Variants in ARL9 observed in about 807,000 individuals in gnomAD.
ARL9 encodes ADP-ribosylation factor-like protein 9.
In ARL9, 14 loss-of-function variants were observed where a neutral mutation model predicts 27.0. The ratio of observed to expected loss-of-function variants is 0.52; its 90% CI spans 0.34 to 0.81. The LOEUF is 0.81. Among genes scored for constraint, ARL9 ranks in the 30% least tolerant of loss-of-function variants. ARL9 has a pLI of 0.01. For missense variants in ARL9, 294 were observed against 290.0 expected (o/e 1.01, Z -0.10); for synonymous variants, 106 against 108.7 (o/e 0.98, Z 0.15).
chr4:56,515,681 T>C (rs1261693107), intron 2 of ARL9, among the ~76,000 whole-genome samples: 2 of 152,142 alleles, frequency 1.3e-5, no homozygotes, highest in Admixed American at 6.6e-5. Context: ...TAAAATTAAT[T>C]GTATTTCTGT....
At chr4:56,513,016 T>G (rs1310448844) in intron 2 of ARL9, among the ~76,000 whole-genome samples, 1 of 152,238 alleles carries the variant, frequency 6.6e-6, no homozygotes, top group Admixed American at 6.5e-5. Flanking sequence ...ATAGTACATA[T>G]TCAACAAAAA....
chr4:56,505,506 C>G, upstream of ARL9: 1 of 485,350 alleles, frequency 2.1e-6, no homozygotes, highest in South Asian at 1.5e-5. Flanking sequence ...CTGCCTGGCC[C>G]GAGGTAATCG....
Position 56,518,808 on chromosome 4 carries a change from T to C in ARL9, c.573T>C (p.Ile191=). The change falls in exon 3 of 4, where the codon ATT becomes ATC. Residue 191 remains isoleucine, a synonymous_variant. Transcript: ENST00000640821. ...PEAKKYLHQL[I]AANPVLPLVV... The stretch of plus-strand genomic sequence containing the variant: ...CCAAGAAATACCTTCATCAGCTAAT[T>C]GCAGCAAACCCAGTACTTCCTCTGG... The C allele has an allele frequency of 6.2e-7, 1 of 1,614,034 alleles. No individual in the cohort carries two copies. The highest frequency in any genetic ancestry group is 8.5e-7 in the Non-Finnish European group (1 of 1,179,888).
chr4:56,523,664 C>T, intron 3 of ARL9, 33 bp from the exon 4 acceptor site: 2 of 1,568,610 alleles, frequency 1.3e-6, no homozygotes, highest in East Asian at 2.3e-5. Flanking sequence ...AAATAACCAA[C>T]TTTGTCCTAT....
At chr4:56,512,730 C>T (rs751610472) in intron 2 of ARL9, among the ~76,000 whole-genome samples, 7 of 151,650 alleles carry the variant, frequency 4.6e-5, no homozygotes, top group African/African-American at 7.3e-5. Flanking sequence ...TTAGTAGAGA[C>T]GGGGTTTCAC....
intron 1 of ARL9, among the ~76,000 whole-genome samples, chr4:56,507,094 A>C (rs974655798): frequency 6.6e-6 from 1 of 151,212 alleles, no homozygotes; most frequent in African/African-American, 2.4e-5. Flanking sequence ...CCACGGATTA[A>C]CAGAGATTTG....
chr4:56,507,939 G>A (rs372802213), intron 1 of ARL9, among the ~76,000 whole-genome samples: 1 of 146,760 alleles, frequency 6.8e-6, no homozygotes, highest in East Asian at 2.1e-4. Flanking sequence ...TCGTGCCACT[G>A]CACTCCACAG....
Position 56,518,771 on chromosome 4 carries a change from G to T in ARL9, c.536G>T (p.Arg179Leu). ...IFVVDSADHS[R>L]LPEAKKYLHQ... Reference sequence around the variant, plus strand: ...GTGGTGGATTCAGCAGATCACAGCCGATTACCTGAAGCCAAGAAATACCTT... The same window carrying T: ...GTGGTGGATTCAGCAGATCACAGCCTATTACCTGAAGCCAAGAAATACCTT... Residue 179 changes from arginine (R) to leucine (L), a missense_variant, in exon 3 of 4, where the codon CGA (arginine) becomes CTA (leucine). Transcript: ENST00000640821. The T allele has an allele frequency of 6.2e-7, 1 of 1,613,944 alleles. No individual in the cohort carries two copies. Among genetic ancestry groups the T allele is most frequent in the South Asian group, 1.1e-5 (1 of 91,072 alleles).
chr4:56,520,492 A>G (rs1422260229), intron 3 of ARL9, among the ~76,000 whole-genome samples: 1 of 152,140 alleles, frequency 6.6e-6, no homozygotes, highest in East Asian at 1.9e-4. Context: ...GGTGATTTCC[A>G]TGGGTTGTGG....
intron 2 of ARL9, among the ~76,000 whole-genome samples, chr4:56,516,226 C>T (rs1459381700): frequency 1.3e-5 from 2 of 151,970 alleles, no homozygotes; most frequent in African/African-American, 2.4e-5. Context: ...CATCAATTTC[C>T]GATGGATAAA....
intron 3 of ARL9, 59 bp from the exon 4 acceptor site, chr4:56,523,638 A>C: frequency 7.2e-7 from 1 of 1,394,106 alleles, no homozygotes; most frequent in East Asian, 2.3e-5. Flanking sequence ...AAATGTGTTT[A>C]TCTGAAAGGA....
At chr4:56,523,649 T>C (rs1721994545) in intron 3 of ARL9, 48 bp from the exon 4 acceptor site, 4 of 1,496,014 alleles carry the variant, frequency 2.7e-6, no homozygotes, top group Non-Finnish European at 3.6e-6. Flanking sequence ...TCTGAAAGGA[T>C]TGCAAAATAA....
Position 56,523,878 on chromosome 4 carries a change from C to T in ARL9, c.*2C>T. 2 of 1,611,776 alleles carry T rather than the reference C, an allele frequency of 1.2e-6. No homozygotes were observed. Among genetic ancestry groups the T allele is most frequent in the Admixed American group, 1.7e-5 (1 of 59,848 alleles). On this transcript the variant is annotated 3_prime_UTR_variant, in exon 4 of 4. Coordinates refer to ENST00000640821, the MANE Select transcript of ARL9 (RefSeq NM_001363794.2). Reference sequence around the variant, plus strand: ...CAGCTGGCTGCAGATGTGCAGTGACCAGGACTCAGCCCACTGTGCGGCTCA... The same window carrying T: ...CAGCTGGCTGCAGATGTGCAGTGACTAGGACTCAGCCCACTGTGCGGCTCA...
rs753015589 is a variant in ARL9 at position 56,511,249 on chromosome 4, C to T, written c.344C>T (p.Ser115Phe). The part of the protein sequence containing the change: ...DGAGKTSVLH[S>F]LASNRVQHSV... The stretch of plus-strand genomic sequence containing the variant: ...GCAGGAAAAACCAGTGTCCTGCACT[C>T]TCTAGCTTCAAACAGAGTCCAGCAC... Residue 115 changes from serine to phenylalanine, a missense_variant, in exon 2 of 4, where the codon TCT becomes TTT. Ser to Phe is a radical substitution (Grantham distance 155). Coordinates refer to ENST00000640821, the MANE Select transcript of ARL9 (RefSeq NM_001363794.2). The T allele has an allele frequency of 5.6e-6, 9 of 1,613,694 alleles. No individual in the cohort carries two copies. In the East Asian group the frequency reaches 2.0e-4, roughly 36 times the overall value.
In ARL9 at chr4:56,523,691, A is replaced by G; in HGVS notation, c.619-6A>G. 1.2e-6 allele frequency: 2 copies of G among 1,608,860 alleles called. No homozygotes were observed. Among genetic ancestry groups the G allele is most frequent in the South Asian group, 1.1e-5 (1 of 90,314 alleles). On this transcript the variant is annotated splice_polypyrimidine_tract_variant and splice_region_variant and intron_variant, in intron 3 of 3. Transcript: ENST00000640821. ...TTGTCCTATTCTTATTCCACTCCGG[A>G]TGAAGGATCTTGAAGCAGCCTATCA...
chr4:56,506,263 G>A, intron 1 of ARL9, 122 bp downstream of exon 1: 1 of 1,013,076 alleles, frequency 9.9e-7, no homozygotes, highest in Non-Finnish European at 1.3e-6. Flanking sequence ...TCTCAACTGA[G>A]GGCTATTTAC....
At chr4:56,506,329 C>T (rs769729693) in intron 1 of ARL9, among the ~76,000 whole-genome samples, 188 bp downstream of exon 1, 5 of 152,160 alleles carry the variant, frequency 3.3e-5, no homozygotes, top group Non-Finnish European at 5.9e-5. Context: ...TTTCCCGGGC[C>T]CCCTGCCCAC....
At position 56,523,988 on chromosome 4, in the gene ARL9, C is replaced by A; in HGVS notation, c.*112C>A. On this transcript the variant is annotated 3_prime_UTR_variant, in exon 4 of 4. Transcript: ENST00000640821. ...TAAAAATTAAGCCATTTCCTATTTTCTCAGTGCATGGGATGTATATAGTTA... is the reference window on the plus strand; with the variant it reads ...TAAAAATTAAGCCATTTCCTATTTTATCAGTGCATGGGATGTATATAGTTA... 9.5e-7 allele frequency: 1 copy of A among 1,047,156 alleles called. No homozygotes were observed. Among genetic ancestry groups the A allele is most frequent in the Non-Finnish European group, 1.3e-6 (1 of 745,328 alleles). The allele number at this position is 1,047,156 out of a possible 1,614,324, so 64.9% of individuals were successfully genotyped here. A position where few individuals can be genotyped will look rare whatever the true frequency, so the allele number is the denominator to read the frequency against.
chr4:56,511,000 T>C (rs1253385926), intron 1 of ARL9, among the ~76,000 whole-genome samples, 185 bp from the exon 2 acceptor site: 1 of 152,166 alleles, frequency 6.6e-6, no homozygotes, highest in Non-Finnish European at 1.5e-5. Context: ...CTGGAACTTC[T>C]GACCTCAAGA....
Sources: gnomAD v4.1 joint callset for allele counts (sites outside exome capture counted in the v4.1 genomes callset) on GRCh38, gnomAD v4.1.1 for gene constraint, MANE v1.5 for transcripts, NCBI Gene and HGNC (gene_info 2026-07-23, HGNC 2026-07-21) for gene names.